ZFPM2: variants seen among roughly 807,000 people sequenced by gnomAD.
The protein encoded by ZFPM2 is zinc finger protein ZFPM2.
ZFPM2 carries 20 observed loss-of-function variants against 98.6 expected under a neutral mutation model. That is an observed-to-expected ratio of 0.20 (90% CI 0.14 to 0.29). The LOEUF (loss-of-function observed/expected upper bound fraction) is 0.29, where lower values mean the gene tolerates loss of function less well. Ranked by LOEUF, ZFPM2 falls within the 10% of genes least tolerant of loss-of-function variation. The probability of loss-of-function intolerance (pLI) is 1.00; values close to 1 mark genes in which losing one functional copy is unlikely to be tolerated. For synonymous variants in ZFPM2, 518 were observed against 502.7 expected (o/e 1.03, Z -0.41); for missense variants, 1,310 against 1,388.6 (o/e 0.94, Z 0.90).
At chr8:105,362,330 C>T (rs776976407) in intron 1 of ZFPM2, among the ~76,000 whole-genome samples, 11 of 151,902 alleles carry the variant, frequency 7.2e-5, no homozygotes, top group East Asian at 3.9e-4. Context: ...TATACTGGAT[C>T]AGGGTAACTG....
chr8:105,510,043 C>G (rs1342073469), intron 3 of ZFPM2, among the ~76,000 whole-genome samples: 1 of 151,946 alleles, frequency 6.6e-6, no homozygotes, highest in East Asian at 1.9e-4. Flanking sequence ...TTTGAAATAC[C>G]TCCTTCACCT....
intron 5 of ZFPM2, among the ~76,000 whole-genome samples, chr8:105,657,896 A>G (rs1037996370): frequency 1.3e-5 from 2 of 152,220 alleles, no homozygotes; most frequent in African/African-American, 4.8e-5. Context: ...AAATTAATAG[A>G]AACAATTCAG....
chr8:105,670,519 AG>A (rs1817575200), intron 5 of ZFPM2, among the ~76,000 whole-genome samples: 1 of 150,088 alleles, frequency 6.7e-6, no homozygotes, highest in African/African-American at 2.4e-5. Context: ...AAAAAAAAAA[AG>A]CTGAAACTAT....
chr8:105,617,443 G>A (rs750651347), intron 4 of ZFPM2, among the ~76,000 whole-genome samples: 1 of 152,140 alleles, frequency 6.6e-6, no homozygotes, highest in Non-Finnish European at 1.5e-5. Context: ...CTTGAAGTAT[G>A]TGTTTTAAGT....
chr8:105,357,810 C>T (rs1459701182), intron 1 of ZFPM2, among the ~76,000 whole-genome samples: 1 of 152,134 alleles, frequency 6.6e-6, no homozygotes, highest in African/African-American at 2.4e-5. Flanking sequence ...CATCCATCTC[C>T]TTAACCATAG....
chr8:105,520,847 A>G (rs972535347), intron 3 of ZFPM2, among the ~76,000 whole-genome samples: 4 of 152,042 alleles, frequency 2.6e-5, no homozygotes, highest in African/African-American at 9.7e-5. Context: ...AGATATATGG[A>G]CAATTTTAGA....
In ZFPM2 at chr8:105,759,243, T is replaced by C. The variant is rs139118383; in HGVS notation, c.533-29475T>C. 4.7e-3 allele frequency among the ~76,000 whole-genome samples: 716 copies of C among 152,212 alleles called. 3 individuals are homozygous for C. Among genetic ancestry groups the C allele is most frequent in the African/African-American group, 0.013 (554 of 41,540 alleles). ...AACCAGTGTACTAGCCTTTTAATTT[T>C]AAAGATGAACAAAATGGGGCCCAGG... On this transcript the variant is annotated intron_variant, in intron 5 of 7. Transcript: ENST00000407775.
At chr8:105,681,774 T>A (rs925785754) in intron 5 of ZFPM2, among the ~76,000 whole-genome samples, 2 of 152,098 alleles carry the variant, frequency 1.3e-5, no homozygotes, top group Non-Finnish European at 2.9e-5. Context: ...CCAAAGGACA[T>A]TAGGGGAAAC....
intron 1 of ZFPM2, among the ~76,000 whole-genome samples, chr8:105,363,435 T>A (rs1228257365): frequency 6.6e-6 from 1 of 152,188 alleles, no homozygotes; most frequent in Non-Finnish European, 1.5e-5. Flanking sequence ...AGTTTTTTAA[T>A]TTTAATGAGG....
At chr8:105,454,018 A>C (rs948868135) in intron 3 of ZFPM2, among the ~76,000 whole-genome samples, 2 of 152,136 alleles carry the variant, frequency 1.3e-5, no homozygotes, top group Non-Finnish European at 2.9e-5. Flanking sequence ...AATATTCTTA[A>C]TATTATCTAA....
chr8:105,527,085 G>A (rs1056898881), intron 3 of ZFPM2, among the ~76,000 whole-genome samples: 6 of 152,126 alleles, frequency 3.9e-5, no homozygotes, highest in Non-Finnish European at 8.8e-5. Flanking sequence ...GACATAGAAA[G>A]TAGGGTGAAA....
At chr8:105,543,717 C>T (rs1814630039) in intron 3 of ZFPM2, among the ~76,000 whole-genome samples, 1 of 152,032 alleles carries the variant, frequency 6.6e-6, no homozygotes, top group African/African-American at 2.4e-5. Context: ...ACTATCTTTC[C>T]TCCTTCTGTC....
chr8:105,623,971 G>T (rs777511592), intron 4 of ZFPM2, among the ~76,000 whole-genome samples: 1 of 152,170 alleles, frequency 6.6e-6, no homozygotes, highest in Non-Finnish European at 1.5e-5. Flanking sequence ...AATGTGTTGA[G>T]CTTTCCTATA....
At chr8:105,687,367 G>T (rs1001592758) in intron 5 of ZFPM2, among the ~76,000 whole-genome samples, 1 of 152,120 alleles carries the variant, frequency 6.6e-6, no homozygotes, top group African/African-American at 2.4e-5. Context: ...CTATACATTT[G>T]TAAGAGAATC....
In ZFPM2 at chr8:105,336,688, CCACACA is replaced by C. The variant is rs139930523; in HGVS notation, c.40+17744_40+17749del. 9.6e-3 allele frequency among the ~76,000 whole-genome samples: 1,372 copies of C among 142,240 alleles called. 13 individuals are homozygous for C. Among genetic ancestry groups the C allele is most frequent in the African/African-American group, 0.021 (804 of 39,106 alleles). The allele number at this position is 142,240 out of a possible 152,430, so 93.3% of individuals were successfully genotyped here. A position where few individuals can be genotyped will look rare whatever the true frequency, so the allele number is the denominator to read the frequency against. On this transcript the variant is annotated intron_variant, in intron 1 of 7. Transcript: ENST00000407775. ...GATTGATATTAAAATGTAATATACT[CCACACA>C]CACACACACACACACACACACACAC... is the stretch of plus-strand genomic sequence containing the variant.
At chr8:105,436,174 C>A (rs1201351760) in intron 2 of ZFPM2, among the ~76,000 whole-genome samples, 1 of 151,946 alleles carries the variant, frequency 6.6e-6, no homozygotes, top group Non-Finnish European at 1.5e-5. Context: ...AATAGTAAAC[C>A]TTAGGGAAAA....
intron 5 of ZFPM2, among the ~76,000 whole-genome samples, chr8:105,709,161 T>G (rs1323457748): frequency 2.6e-5 from 4 of 152,170 alleles, no homozygotes; most frequent in African/African-American, 9.6e-5. Flanking sequence ...GAAAAGGGAT[T>G]CCTGGAGTAT....
chr8:105,727,871 A>G (rs927867156), intron 5 of ZFPM2, among the ~76,000 whole-genome samples: 2 of 151,596 alleles, frequency 1.3e-5, no homozygotes, highest in African/African-American at 4.8e-5. Context: ...GATTGGTAGA[A>G]GTTCAACAGC....
chr8:105,456,829 T>C (rs1353178835), intron 3 of ZFPM2, among the ~76,000 whole-genome samples: 1 of 152,040 alleles, frequency 6.6e-6, no homozygotes, highest in East Asian at 1.9e-4. Flanking sequence ...CACACCACCA[T>C]GCCTGGCTAC....
Sources: allele counts gnomAD v4.1 joint callset (sites outside exome capture counted in the v4.1 genomes callset), GRCh38; gene constraint gnomAD v4.1.1; transcripts MANE v1.5; gene names NCBI Gene and HGNC (gene_info 2026-07-23, HGNC 2026-07-21).